The following TUBGCP5 variants were observed in gnomAD, a reference collection of about 807,000 sequenced individuals.
TUBGCP5 encodes gamma-tubulin complex component 5.
TUBGCP5 carries 98 observed loss-of-function variants against 134.7 expected under a neutral mutation model. The observed-to-expected ratio is 0.73, with a 90% CI of 0.62 to 0.86. The LOEUF is 0.86. Among genes scored for constraint, TUBGCP5 ranks in the 40% least tolerant of loss-of-function variants. The pLI is 0.00. For synonymous variants in TUBGCP5, 456 were observed against 431.4 expected (o/e 1.06, Z -0.71); for missense variants, 1,150 against 1,244.8 (o/e 0.92, Z 1.15).
chr15:23,038,971 A>G (rs1441628393), intron 1 of TUBGCP5, among the ~76,000 whole-genome samples: 2 of 152,020 alleles, frequency 1.3e-5, no homozygotes, highest in East Asian at 3.9e-4. Flanking sequence ...GAGCAGGGTG[A>G]GAGATCTTAC....
At chr15:23,010,862 C>G (rs561496405) in intron 14 of TUBGCP5, among the ~76,000 whole-genome samples, 195 of 151,976 alleles carry the variant, frequency 1.3e-3, no homozygotes, top group African/African-American at 4.6e-3. Context: ...GCCTCTAGTC[C>G]CAGGTAGCTG....
chr15:23,025,368 A>G, intron 8 of TUBGCP5, among the ~76,000 whole-genome samples: 1 of 152,160 alleles, frequency 6.6e-6, no homozygotes, highest in East Asian at 1.9e-4. Flanking sequence ...TATATACTTG[A>G]CGACCCAAAG....
intron 20 of TUBGCP5, among the ~76,000 whole-genome samples, chr15:23,003,506 C>A (rs1163205109): frequency 1.3e-5 from 2 of 152,148 alleles, no homozygotes; most frequent in African/African-American, 4.8e-5. Flanking sequence ...CATGCTATTG[C>A]TCCGCAACTG....
intron 11 of TUBGCP5, among the ~76,000 whole-genome samples, chr15:23,021,501 G>A (rs527447780): frequency 8.7e-4 from 133 of 152,176 alleles, no homozygotes; most frequent in African/African-American, 3.1e-3. Flanking sequence ...TTTAAGTTCA[G>A]AGGTTTTAAG....
At chr15:22,987,339 A>T (rs1322054868) in intron 23 of TUBGCP5, among the ~76,000 whole-genome samples, 1 of 148,842 alleles carries the variant, frequency 6.7e-6, no homozygotes, top group African/African-American at 2.5e-5. Context: ...TCCATCTCAA[A>T]AAAAAAAAAA....
intron 12 of TUBGCP5, among the ~76,000 whole-genome samples, chr15:23,018,281 A>C (rs1378216347): frequency 6.6e-6 from 1 of 152,216 alleles, no homozygotes; most frequent in Non-Finnish European, 1.5e-5. Flanking sequence ...GGAATTATTT[A>C]AAATATGACT....
chr15:23,018,033 T>C lies in TUBGCP5; in HGVS notation c.1496A>G (p.Asn499Ser). ...AREFIIQRNKNVPVNHRDFWY... is the reference protein window; with the variant it reads ...AREFIIQRNKSVPVNHRDFWY... Reference sequence around the variant, plus strand: ...GAAGTCTCTGTGATTAACTGGAACATTTTTGTTTCTAAAGAGATTCAAAAG... The same window carrying C: ...GAAGTCTCTGTGATTAACTGGAACACTTTTGTTTCTAAAGAGATTCAAAAG... The change falls in exon 13 of 23, where the codon AAT becomes AGT. Residue 499 changes from asparagine to serine, a missense_variant. By Grantham distance (46) the Asn-to-Ser change is conservative. This residue lies in a region of TUBGCP5 where 697 missense variants were observed against 850.1 expected (regional missense o/e 0.82). Transcript: ENST00000615383. The C allele has an allele frequency of 6.2e-7, 1 of 1,606,560 alleles. No individual in the cohort carries two copies. The highest frequency in any genetic ancestry group is 2.2e-5 in the East Asian group (1 of 44,804).
At chr15:23,029,807 G>A (rs995498927) in intron 6 of TUBGCP5, among the ~76,000 whole-genome samples, 1 of 152,074 alleles carries the variant, frequency 6.6e-6, no homozygotes, top group African/African-American at 2.4e-5. Context: ...TTTGAACCTG[G>A]GAGATGGAGT....
chr15:23,005,320 C>A (rs1420561377), intron 19 of TUBGCP5, 112 bp downstream of exon 19: 1 of 1,279,954 alleles, frequency 7.8e-7, no homozygotes, highest in South Asian at 1.6e-5. Flanking sequence ...CTACATGTCC[C>A]GTTTTCACAG....
At chr15:23,005,883 G>T in intron 18 of TUBGCP5, 169 bp downstream of exon 18, 1 of 729,152 alleles carries the variant, frequency 1.4e-6, no homozygotes, top group Non-Finnish European at 2.2e-6. Context: ...TAAAACTACT[G>T]CTAGAATACG....
intron 20 of TUBGCP5, among the ~76,000 whole-genome samples, chr15:23,003,632 GTTT>G (rs531926227): frequency 0.11 from 9,881 of 87,394 alleles, 357 homozygotes; most frequent in Non-Finnish European, 0.15. Context: ...TCCTCCTTCT[GTTT>G]TTTTTTTTTT....
intron 1 of TUBGCP5, 63 bp from the exon 2 acceptor site, chr15:23,037,215 A>C: frequency 7.8e-5 from 114 of 1,454,060 alleles, no homozygotes; most frequent in Non-Finnish European, 1.0e-4. Context: ...AACTCATCTC[A>C]TGGCCCTCCA....
chr15:23,018,158 G>C lies in TUBGCP5; in HGVS notation c.1488-117C>G, dbSNP rs1595870600. 5.6e-6 allele frequency: 6 copies of C among 1,075,350 alleles called. No individual in the cohort carries two copies. The East Asian group carries it at 1.6e-4, about 28-fold the overall frequency. 66.6% of individuals were successfully genotyped at this position (1,075,350 alleles called of 1,614,324 possible). A position where few individuals can be genotyped will look rare whatever the true frequency, so the allele number is the denominator to read the frequency against. ...TAGTATTAATTATTAGTAAACTGAA[G>C]CAAACTTTAGGCAAAATGGGACAGT... On this transcript the variant is annotated intron_variant, in intron 12 of 22. Transcript: ENST00000615383.
chr15:23,020,584 C>CAAAAAAAAAAA (rs542905350), intron 11 of TUBGCP5, among the ~76,000 whole-genome samples: 6 of 76,242 alleles, frequency 7.9e-5, no homozygotes, highest in African/African-American at 1.5e-4. Flanking sequence ...GACTACGTCT[C>CAAAAAAAAAAA]AAAAAAAAAA....
At chr15:23,030,655 T>C (rs541959596) in intron 6 of TUBGCP5, among the ~76,000 whole-genome samples, 9 of 144,284 alleles carry the variant, frequency 6.2e-5, no homozygotes, top group Admixed American at 2.1e-4. Context: ...CTCAGAAGTA[T>C]AGGAAAAAAA....
rs147778719 is a variant in TUBGCP5, at chr15:23,036,054, C to A, written c.309+843G>T. 2.5e-3 allele frequency among the ~76,000 whole-genome samples: 377 copies of A among 152,318 alleles called. 1 individual carries two copies. The highest frequency in any genetic ancestry group is 3.9e-3 in the Admixed American group (60 of 15,300). ...GGAGAAAGGGAAAGAACTATGTAGG[C>A]ACAAGATGTGTCACAGCAGAGCTAG... On this transcript the variant is annotated intron_variant, in intron 3 of 22. Transcript: ENST00000615383.
intron 3 of TUBGCP5, among the ~76,000 whole-genome samples, chr15:23,036,625 T>C (rs956677213): frequency 6.6e-6 from 1 of 152,160 alleles, no homozygotes. Flanking sequence ...AGTTTTGAGA[T>C]ACCCAAACAA....
intron 10 of TUBGCP5, 58 bp from the exon 11 acceptor site, chr15:23,022,219 T>A (rs2065745689): frequency 6.4e-7 from 1 of 1,559,196 alleles, no homozygotes; most frequent in Non-Finnish European, 8.8e-7. Flanking sequence ...ATCTAAAATG[T>A]GACATAAATG....
intron 7 of TUBGCP5, among the ~76,000 whole-genome samples, chr15:23,026,587 A>G (rs2065997380): frequency 6.6e-6 from 1 of 152,220 alleles, no homozygotes; most frequent in Admixed American, 6.5e-5. Flanking sequence ...ATTAAATAAT[A>G]CTATAATTTA....
Sources: gnomAD v4.1 joint callset for allele counts (sites outside exome capture counted in the v4.1 genomes callset) on GRCh38, gnomAD v4.1.1 for gene constraint, gnomAD v4.1.1 regional missense constraint, MANE v1.5 for transcripts, NCBI Gene and HGNC (gene_info 2026-07-23, HGNC 2026-07-21) for gene names.